Variants in MTERF4 observed in about 807,000 individuals in gnomAD.
MTERF4 encodes the protein mitochondrial transcription termination factor 4.
A neutral mutation model predicts 22.5 loss-of-function variants in MTERF4; 17 were observed. The observed-to-expected ratio is 0.75, with a 90% confidence interval of 0.52 to 1.13. The LOEUF is 1.13. Ranked by LOEUF, MTERF4 falls within the 50% of genes most tolerant of loss-of-function variation. MTERF4 has a pLI of 0.00. For synonymous variants in MTERF4, 165 were observed against 175.3 expected (o/e 0.94, Z 0.47); for missense variants, 420 against 466.8 (o/e 0.90, Z 0.92).
the MTERF4 span, chr2:241,064,880 G>A: frequency 0.013 from 20,530 of 1,586,416 alleles, 155 homozygotes; most frequent in Non-Finnish European, 0.015. The surrounding 1 kb of genome is among the most constrained non-coding windows in gnomAD (Gnocchi z 7.0). Flanking sequence ...TGTGGGGGCC[G>A]TGGCTATTGC....
At chr2:241,062,412 A>C in the MTERF4 span, among the ~76,000 whole-genome samples, 3 of 152,202 alleles carry the variant, frequency 2.0e-5, no homozygotes, top group Admixed American at 2.0e-4. Context: ...TAAAACCAAG[A>C]TTTGTCCCAG....
exon 5 of MTERF4, chr2:241,072,471 C>T: frequency 2.9e-6 from 1 of 349,832 alleles, no homozygotes; most frequent in South Asian, 2.1e-5. Context: ...GAGGGGACCT[C>T]TCTGGCCCTT....
chr2:241,083,331 A>G (rs2063421285), downstream of MTERF4, among the ~76,000 whole-genome samples: 1 of 152,182 alleles, frequency 6.6e-6, no homozygotes, highest in African/African-American at 2.4e-5. Context: ...GGTGAGGGAC[A>G]GGGAACCCTC....
the MTERF4 span, chr2:241,065,738 G>A: frequency 2.7e-6 from 2 of 738,546 alleles, no homozygotes; most frequent in South Asian, 1.9e-5. Flanking sequence ...GCTGGGGGTT[G>A]GAGGCACCGC....
the MTERF4 span, chr2:241,048,552 G>A: frequency 3.5e-5 from 52 of 1,490,518 alleles, no homozygotes; most frequent in Non-Finnish European, 4.5e-5. Context: ...GTGAGTGCGC[G>A]TCCACTGCAA....
chr2:241,096,618 T>A lies in MTERF4; in HGVS notation c.706-180A>T. 1 of 732,374 alleles carries A rather than the reference T, an allele frequency of 1.4e-6. No homozygotes were observed. Among genetic ancestry groups the A allele is most frequent in the Non-Finnish European group, 2.5e-6 (1 of 403,976 alleles). 45.4% of individuals were successfully genotyped at this position (732,374 alleles called of 1,614,324 possible). On this transcript the variant is annotated intron_variant, in intron 3 of 3. Coordinates refer to ENST00000391980, the MANE Select transcript of MTERF4 (RefSeq NM_182501.4). This position sits in a 1 kb window ranked among gnomAD's most constrained non-coding sequence, Gnocchi z 5.1. ...GACAGCCAGCAGTTTCAAAACACTT[T>A]CAAATTCATCCTGAGAAACATGGAG... is the stretch of plus-strand genomic sequence containing the variant.
chr2:241,064,873 G>A, the MTERF4 span: 1 of 1,590,740 alleles, frequency 6.3e-7, no homozygotes, highest in Non-Finnish European at 8.5e-7. The surrounding 1 kb of genome is among the most constrained non-coding windows in gnomAD (Gnocchi z 7.0). Context: ...CAGCCCCTGT[G>A]GGGGCCGTGG....
At chr2:241,082,815 GC>G (rs1463982436), downstream of MTERF4, among the ~76,000 whole-genome samples, 2 of 152,228 alleles carry the variant, frequency 1.3e-5, no homozygotes, top group Non-Finnish European at 2.9e-5. Flanking sequence ...AGGGAGAGAT[GC>G]CCAGCCCATC....
chr2:241,063,892 C>A, the MTERF4 span: 1 of 821,960 alleles, frequency 1.2e-6, no homozygotes, highest in Middle Eastern at 3.6e-4. Context: ...GACCTGCCCA[C>A]TGCCCCTCTC....
downstream of MTERF4, chr2:241,087,444 G>A (rs568339809): frequency 2.9e-5 from 46 of 1,603,098 alleles, no homozygotes; most frequent in East Asian, 9.9e-4. Context: ...AGAGAGCTGT[G>A]AAAGCACAAG....
chr2:241,068,854 G>A, downstream of MTERF4: 1 of 1,238,010 alleles, frequency 8.1e-7, no homozygotes, highest in African/African-American at 1.5e-5. This position sits in a 1 kb window ranked among gnomAD's most constrained non-coding sequence, Gnocchi z 5.3. Context: ...TCTGGCAGCA[G>A]AGTCACACAC....
downstream of MTERF4, chr2:241,094,745 T>C (rs758211871): frequency 5.3e-6 from 1 of 187,196 alleles, no homozygotes; most frequent in Non-Finnish European, 1.1e-5. This position sits in a 1 kb window ranked among gnomAD's most constrained non-coding sequence, Gnocchi z 4.3. Flanking sequence ...ACAGCACCCC[T>C]GGCCTCTACC....
chr2:241,088,009 C>T (rs780147895), downstream of MTERF4: 20 of 387,972 alleles, frequency 5.2e-5, 1 homozygote, highest in East Asian at 3.0e-4. Context: ...ACCAAGTGTC[C>T]GGGCAAGGCC....
downstream of MTERF4, among the ~76,000 whole-genome samples, chr2:241,084,541 C>T (rs191746302): frequency 1.6e-4 from 24 of 152,280 alleles, no homozygotes; most frequent in Admixed American, 1.2e-3. Flanking sequence ...TCCATGGCAG[C>T]GGCTGACATC....
chr2:241,062,779 C>T, the MTERF4 span: 2 of 1,590,642 alleles, frequency 1.3e-6, no homozygotes, highest in East Asian at 4.5e-5. Flanking sequence ...TTCTTGGGCT[C>T]TCTCCTCTCA....
At chr2:241,100,006 A>G (rs2125388451) in intron 1 of MTERF4, 112 bp from the exon 2 acceptor site, 11 of 1,340,942 alleles carry the variant, frequency 8.2e-6, no homozygotes, top group Non-Finnish European at 1.1e-5. Context: ...CAAACATACA[A>G]TTTTTATAAG....
downstream of MTERF4, among the ~76,000 whole-genome samples, chr2:241,091,091 A>C (rs1230252061): frequency 6.6e-6 from 1 of 152,040 alleles, no homozygotes; most frequent in Non-Finnish European, 1.5e-5. The surrounding 1 kb of genome is among the most constrained non-coding windows in gnomAD (Gnocchi z 4.1). Context: ...TAGCACATCC[A>C]CTCCCATAAA....
At chr2:241,081,504 G>A (rs1044882948) in intron 4 of MTERF4, among the ~76,000 whole-genome samples, 1 of 152,192 alleles carries the variant, frequency 6.6e-6, no homozygotes, top group Admixed American at 6.5e-5. Context: ...CTCAACACCT[G>A]AACTGGGACC....
At chr2:241,058,312 C>T in the MTERF4 span, among the ~76,000 whole-genome samples, 1 of 151,910 alleles carries the variant, frequency 6.6e-6, no homozygotes, top group Non-Finnish European at 1.5e-5. Context: ...AAGAAACTGA[C>T]ATTAATACCA....
Sources: gnomAD v4.1 joint callset for allele counts (sites outside exome capture counted in the v4.1 genomes callset) on GRCh38, gnomAD v4.1.1 for gene constraint, Gnocchi (gnomAD v3.1) non-coding constraint, MANE v1.5 for transcripts, NCBI Gene and HGNC (gene_info 2026-07-23, HGNC 2026-07-21) for gene names.